The following ANKS1A variants were observed in gnomAD, a reference collection of about 807,000 sequenced individuals.
ANKS1A encodes the protein ankyrin repeat and sterile alpha motif domain containing 1A.
Under a neutral mutation model 120.3 loss-of-function variants are expected in ANKS1A, and 55 were observed. The ratio of observed to expected loss-of-function variants is 0.46; its 90% CI spans 0.37 to 0.57. The LOEUF (loss-of-function observed/expected upper bound fraction) is 0.57, where lower values mean the gene tolerates loss of function less well. Ranked by LOEUF, ANKS1A falls within the 20% of genes least tolerant of loss-of-function variation. The pLI is 0.00. For synonymous variants in ANKS1A, 590 were observed against 604.7 expected, an observed-to-expected ratio of 0.98 and a Z score of 0.36; for missense variants, 1,123 against 1,480.3, an observed-to-expected ratio of 0.76 and a Z score of 3.96.
chr6:34,997,234 T>C lies in ANKS1A; in HGVS notation c.1423+2812T>C, dbSNP rs188240239. Among the ~76,000 whole-genome samples the C allele has an allele frequency of 8.9e-3, 1,318 of 148,048 alleles. 24 individuals carry two copies. The highest frequency in any genetic ancestry group is 0.031 in the African/African-American group (1,242 of 40,230). ...TTTTTTGAGACAGAGTCTTGCTCTGTTGCCCAGGCTGGAGTGCAGTGGCAT... is the reference window on the plus strand; with the variant it reads ...TTTTTTGAGACAGAGTCTTGCTCTGCTGCCCAGGCTGGAGTGCAGTGGCAT... On this transcript the variant is annotated intron_variant, in intron 10 of 23. Coordinates refer to ENST00000360359, the MANE Select transcript of ANKS1A (RefSeq NM_015245.3).
chr6:35,083,970 C>A, intron 20 of ANKS1A, 151 bp from the exon 21 acceptor site: 1 of 1,276,778 alleles, frequency 7.8e-7, no homozygotes, highest in Admixed American at 2.3e-5. Flanking sequence ...GACCCCCACC[C>A]CCACCAATAA....
At position 35,044,019 on chromosome 6, in the gene ANKS1A, G is replaced by A. The variant is rs1775602327; in HGVS notation, c.2011-10080G>A. The stretch of plus-strand genomic sequence containing the variant: ...AGTACTTACTTGGTTGTCACAGAAA[G>A]GTTCTTTTACACTGGTTCCATAATT... On this transcript the variant is annotated intron_variant, in intron 11 of 23. Coordinates refer to ENST00000360359, the MANE Select transcript of ANKS1A (RefSeq NM_015245.3). This position sits in a 1 kb window ranked among gnomAD's most constrained non-coding sequence, Gnocchi z 4.4. Among the ~76,000 whole-genome samples the A allele has an allele frequency of 6.6e-6, 1 of 152,126 alleles. No homozygotes were observed. Among genetic ancestry groups the A allele is most frequent in the Non-Finnish European group, 1.5e-5 (1 of 68,014 alleles).
intron 3 of ANKS1A, among the ~76,000 whole-genome samples, chr6:34,973,230 C>T (rs1280218177): frequency 6.6e-6 from 1 of 152,158 alleles, no homozygotes; most frequent in African/African-American, 2.4e-5. Context: ...TTTAAAACCA[C>T]GACCCAATAT....
At chr6:34,971,256 A>G (rs572420471) in intron 3 of ANKS1A, among the ~76,000 whole-genome samples, 115 of 152,340 alleles carry the variant, frequency 7.5e-4, no homozygotes, top group African/African-American at 2.6e-3. Flanking sequence ...AAAAGCAGAG[A>G]TGATTCTTAG....
intron 23 of ANKS1A, among the ~76,000 whole-genome samples, chr6:35,087,861 T>A (rs2762341): frequency 6.6e-6 from 1 of 152,028 alleles, no homozygotes; most frequent in Non-Finnish European, 1.5e-5. Flanking sequence ...GTGGGTGGCA[T>A]GTGTGTGGAC....
At chr6:34,918,360 T>TG (rs1231881250) in intron 1 of ANKS1A, among the ~76,000 whole-genome samples, 1 of 152,132 alleles carries the variant, frequency 6.6e-6, no homozygotes, top group Non-Finnish European at 1.5e-5. Context: ...ACTTCCAAAA[T>TG]GGGGGTGGTA....
chr6:35,080,633 T>A (rs2127608500), intron 16 of ANKS1A, among the ~76,000 whole-genome samples: 1 of 152,320 alleles, frequency 6.6e-6, no homozygotes, highest in South Asian at 2.1e-4. Context: ...ATATAGACAC[T>A]GAGAAGCCAG....
At chr6:35,002,404 G>A (rs1379754164) in intron 10 of ANKS1A, among the ~76,000 whole-genome samples, 1 of 152,120 alleles carries the variant, frequency 6.6e-6, no homozygotes, top group African/African-American at 2.4e-5. Context: ...AACTCATCGC[G>A]GGACTCATTT....
At position 34,889,643 on chromosome 6, in the gene ANKS1A, TC is replaced by T. The variant is rs1554129947; in HGVS notation, c.197+49del. Reference sequence around the variant, plus strand: ...CGGGCCGCTGCCTGCAGACCCTTTCTCCCCCACCCGTCTCTTGGGTCCCCAG... The same window carrying T: ...CGGGCCGCTGCCTGCAGACCCTTTCTCCCCACCCGTCTCTTGGGTCCCCAG... On this transcript the variant is annotated intron_variant, in intron 1 of 23. Transcript: ENST00000360359. The surrounding 1 kb of genome is among the most constrained non-coding windows in gnomAD (Gnocchi z 5.5). 7.9e-7 allele frequency: 1 copy of T among 1,262,440 alleles called. No homozygotes were observed. Among genetic ancestry groups the T allele is most frequent in the Non-Finnish European group, 9.9e-7 (1 of 1,005,384 alleles). 78.2% of individuals were successfully genotyped at this position (1,262,440 alleles called of 1,614,324 possible). A position where few individuals can be genotyped will look rare whatever the true frequency, so the allele number is the denominator to read the frequency against.
intron 2 of ANKS1A, among the ~76,000 whole-genome samples, 166 bp from the exon 3 acceptor site, chr6:34,969,844 A>G (rs1465313628): frequency 5.3e-5 from 8 of 152,202 alleles, no homozygotes; most frequent in African/African-American, 2.4e-5. Context: ...CAGCTGTACA[A>G]GTAGCTCATG....
At chr6:34,992,820 C>T (rs1254536847) in intron 9 of ANKS1A, among the ~76,000 whole-genome samples, 1 of 152,202 alleles carries the variant, frequency 6.6e-6, no homozygotes, top group Non-Finnish European at 1.5e-5. Flanking sequence ...AGAGTGGCAG[C>T]CTTGTTAACA....
At chr6:34,903,026 T>TG (rs1297228841) in intron 1 of ANKS1A, among the ~76,000 whole-genome samples, 1 of 152,150 alleles carries the variant, frequency 6.6e-6, no homozygotes, top group Non-Finnish European at 1.5e-5. Context: ...TTCTTTTGGG[T>TG]GAAATTTCAC....
At chr6:35,055,565 T>C (rs1776183302) in intron 12 of ANKS1A, among the ~76,000 whole-genome samples, 2 of 152,312 alleles carry the variant, frequency 1.3e-5, no homozygotes, top group Non-Finnish European at 2.9e-5. Flanking sequence ...CCTGACCTCG[T>C]GATCCGCCTG....
intron 1 of ANKS1A, among the ~76,000 whole-genome samples, chr6:34,946,674 T>G (rs1460958515): frequency 6.6e-6 from 1 of 152,170 alleles, no homozygotes; most frequent in Non-Finnish European, 1.5e-5. Context: ...AAGTGGGGTT[T>G]TCGTTCATGT....
intron 1 of ANKS1A, among the ~76,000 whole-genome samples, chr6:34,955,217 A>T (rs1291721195): frequency 1.3e-5 from 2 of 149,014 alleles, no homozygotes; most frequent in African/African-American, 4.9e-5. Flanking sequence ...GCTCACTGTG[A>T]CCTCCACCTC....
chr6:34,983,365 A>G lies in ANKS1A; in HGVS notation c.952A>G (p.Thr318Ala), dbSNP rs767137276. 5.0e-6 allele frequency: 8 copies of G among 1,609,308 alleles called. No individual in the cohort carries two copies. The highest frequency in any genetic ancestry group is 1.7e-4 in the Middle Eastern group (1 of 6,052). Residue 318 changes from threonine (T) to alanine (A), a missense_variant, in exon 7 of 24, where the codon ACC (threonine) becomes GCC (alanine). Thr to Ala is a moderately conservative substitution (Grantham distance 58, BLOSUM62 0). Around this residue, in one of 3 missense-constraint regions of ANKS1A, gnomAD observed 904 missense variants for 1,130.4 expected, o/e 0.80. Coordinates refer to ENST00000360359, the MANE Select transcript of ANKS1A (RefSeq NM_015245.3). The part of the protein sequence containing the change: ...GKRSTKEVDK[T>A]PPPQPPLISS... ...AAGAAGTACAAAAGAAGTAGATAAA[A>G]CCCCCCCACCCCAGCCACCTCTCAT...
At chr6:34,892,396 T>G (rs1043081101) in intron 1 of ANKS1A, among the ~76,000 whole-genome samples, 2 of 152,186 alleles carry the variant, frequency 1.3e-5, no homozygotes, top group African/African-American at 4.8e-5. Context: ...CCTGGATTAT[T>G]TAATGAGAGC....
chr6:34,942,915 CT>C (rs1769603383), intron 1 of ANKS1A, among the ~76,000 whole-genome samples: 1 of 149,956 alleles, frequency 6.7e-6, no homozygotes, highest in African/African-American at 2.5e-5. Flanking sequence ...CTTTCCTTCC[CT>C]TTCCCCTTCC....
intron 13 of ANKS1A, among the ~76,000 whole-genome samples, chr6:35,065,952 T>C (rs1243292973): frequency 6.6e-6 from 1 of 152,138 alleles, no homozygotes; most frequent in Non-Finnish European, 1.5e-5. Flanking sequence ...AAGCTCCGGG[T>C]TAGTTAAGTA....
Sources: gnomAD v4.1 joint callset for allele counts (sites outside exome capture counted in the v4.1 genomes callset) on GRCh38, gnomAD v4.1.1 for gene constraint, gnomAD v4.1.1 regional missense constraint, Gnocchi (gnomAD v3.1) non-coding constraint, MANE v1.5 for transcripts, NCBI Gene and HGNC (gene_info 2026-07-23, HGNC 2026-07-21) for gene names.